Variants in TAFA2 observed in about 807,000 individuals in gnomAD.
TAFA2 encodes the protein TAFA chemokine like family member 2.
Under a neutral mutation model 18.8 loss-of-function variants are expected in TAFA2, and 7 were observed. The observed-to-expected ratio is 0.37, with a 90% CI of 0.21 to 0.70. The LOEUF (loss-of-function observed/expected upper bound fraction) is 0.70, where lower values mean the gene tolerates loss of function less well. TAFA2 is among the 30% of genes least tolerant of loss of function. TAFA2 has a pLI of 0.53. For missense variants in TAFA2, 122 were observed against 158.1 expected, an observed-to-expected ratio of 0.77 and a Z score of 1.23; for synonymous variants, 60 against 54.2, an observed-to-expected ratio of 1.11 and a Z score of -0.47.
intron 4 of TAFA2, among the ~76,000 whole-genome samples, chr12:61,741,165 C>T (rs780296537): frequency 1.3e-5 from 2 of 151,898 alleles, no homozygotes; most frequent in Non-Finnish European, 2.9e-5. Context: ...CTTATTCGCT[C>T]GTGGGAATCT....
chr12:61,842,611 T>C (rs1459516895), intron 2 of TAFA2, among the ~76,000 whole-genome samples: 2 of 151,980 alleles, frequency 1.3e-5, no homozygotes, highest in Non-Finnish European at 2.9e-5. Flanking sequence ...GAAATCAAAC[T>C]AAAGCATACA....
chr12:62,037,923 C>T (rs1352535471), intron 1 of TAFA2, among the ~76,000 whole-genome samples: 1 of 152,110 alleles, frequency 6.6e-6, no homozygotes. Flanking sequence ...AGCAGACACT[C>T]AATAAATTTT....
intron 1 of TAFA2, among the ~76,000 whole-genome samples, chr12:62,010,928 AGGTGGGGAGCGCCTCTGCCCG>A: frequency 3.5e-5 from 3 of 86,078 alleles, no homozygotes; most frequent in Non-Finnish European, 4.3e-5. Flanking sequence ...TTCGTCTGGG[AGGTGGGGAGCGCCTCTGCCCG>A]GCCGCCCTTC....
chr12:61,804,415 C>T (rs1871526132), intron 2 of TAFA2, among the ~76,000 whole-genome samples: 1 of 151,960 alleles, frequency 6.6e-6, no homozygotes, highest in African/African-American at 2.4e-5. Context: ...CTTGAATTAG[C>T]TCAGCAAGCA....
chr12:62,140,160 C>T (rs963530684), intron 1 of TAFA2: 5 of 152,242 alleles, frequency 3.3e-5, no homozygotes, highest in African/African-American at 1.2e-4. Context: ...AATATTTTAA[C>T]AGTTTCCTAT....
intron 1 of TAFA2, among the ~76,000 whole-genome samples, chr12:61,870,495 T>G (rs987584704): frequency 7.9e-5 from 12 of 152,226 alleles, no homozygotes; most frequent in African/African-American, 2.9e-4. Context: ...CTTAACATGA[T>G]TCCCTTCTCT....
chr12:61,873,249 C>T (rs1369625482), intron 1 of TAFA2, among the ~76,000 whole-genome samples: 1 of 151,902 alleles, frequency 6.6e-6, no homozygotes, highest in African/African-American at 2.4e-5. Flanking sequence ...GAAATGGAAA[C>T]AAAGACTAGA....
chr12:61,913,471 G>T (rs1191894952), intron 1 of TAFA2, among the ~76,000 whole-genome samples: 1 of 152,148 alleles, frequency 6.6e-6, no homozygotes, highest in Non-Finnish European at 1.5e-5. Flanking sequence ...TATTGGAGAA[G>T]AAACTTACTC....
chr12:61,928,156 G>T (rs4592475), intron 1 of TAFA2, among the ~76,000 whole-genome samples: 1 of 152,058 alleles, frequency 6.6e-6, no homozygotes, highest in Non-Finnish European at 1.5e-5. Flanking sequence ...CAAAATTGAC[G>T]AATGGGATCT....
intron 1 of TAFA2, among the ~76,000 whole-genome samples, chr12:62,109,142 GA>G (rs1304908957): frequency 1.3e-5 from 2 of 152,120 alleles, no homozygotes; most frequent in Non-Finnish European, 2.9e-5. Flanking sequence ...AATTCATCTT[GA>G]GTTAATTTTT....
intron 2 of TAFA2, among the ~76,000 whole-genome samples, chr12:61,801,067 C>G (rs958839937): frequency 1.3e-5 from 2 of 151,846 alleles, no homozygotes; most frequent in African/African-American, 4.8e-5. Flanking sequence ...AAATTTAACC[C>G]AGGAGGTGGA....
intron 1 of TAFA2, among the ~76,000 whole-genome samples, chr12:62,137,774 GCAGC>G (rs1336969705): frequency 2.6e-5 from 4 of 151,986 alleles, no homozygotes; most frequent in Non-Finnish European, 4.4e-5. Context: ...ACTCAACACA[GCAGC>G]CAAAGTGATG....
At chr12:62,050,520 C>A (rs1882024273) in intron 1 of TAFA2, among the ~76,000 whole-genome samples, 1 of 151,012 alleles carries the variant, frequency 6.6e-6, no homozygotes, top group Non-Finnish European at 1.5e-5. Context: ...TGCAGTGAGC[C>A]GAGATAGTGC....
chr12:61,799,410 C>A (rs190411587), intron 2 of TAFA2, among the ~76,000 whole-genome samples: 1 of 152,186 alleles, frequency 6.6e-6, no homozygotes, highest in Non-Finnish European at 1.5e-5. Context: ...AGTGCTAAGA[C>A]GAAAGTTAGA....
chr12:62,156,971 A>C (rs1298518514), intron 1 of TAFA2, among the ~76,000 whole-genome samples: 3 of 152,068 alleles, frequency 2.0e-5, no homozygotes, highest in Non-Finnish European at 4.4e-5. Context: ...TCTTTGCTTT[A>C]TTTCTTTAAG....
At chr12:62,225,172 T>C (rs577597340) in intron 1 of TAFA2, among the ~76,000 whole-genome samples, 5 of 152,290 alleles carry the variant, frequency 3.3e-5, no homozygotes, top group African/African-American at 1.2e-4. Flanking sequence ...AATGTGGTAC[T>C]AGCACAATAT....
intron 2 of TAFA2, among the ~76,000 whole-genome samples, chr12:61,864,460 T>G (rs1413667761): frequency 1.3e-5 from 2 of 150,036 alleles, no homozygotes; most frequent in African/African-American, 2.4e-5. Flanking sequence ...TGTAGTAAGA[T>G]ATAAAAAGAG....
chr12:61,919,419 T>G (rs1876957121), intron 1 of TAFA2, among the ~76,000 whole-genome samples: 2 of 152,190 alleles, frequency 1.3e-5, no homozygotes, highest in Admixed American at 1.3e-4. Context: ...TGAATATCTG[T>G]TTCACAGATG....
intron 2 of TAFA2, among the ~76,000 whole-genome samples, chr12:61,792,945 C>T (rs1183960117): frequency 3.3e-5 from 5 of 151,356 alleles, no homozygotes; most frequent in Admixed American, 1.3e-4. Context: ...AGAAAATTAC[C>T]AGTCAAATAT....
Sources: allele counts gnomAD v4.1 joint callset (sites outside exome capture counted in the v4.1 genomes callset), GRCh38; gene constraint gnomAD v4.1.1; transcripts MANE v1.5; gene names NCBI Gene and HGNC (gene_info 2026-07-23, HGNC 2026-07-21).